The following TFB2M variants were observed in gnomAD, a reference collection of about 807,000 sequenced individuals.
The protein encoded by TFB2M is dimethyladenosine transferase 2, mitochondrial.
Under a neutral mutation model 41.3 loss-of-function variants are expected in TFB2M, and 44 were observed. The observed-to-expected ratio is 1.07, with a 90% CI of 0.84 to 1.37. The LOEUF (loss-of-function observed/expected upper bound fraction) is 1.37. Ranked by LOEUF, TFB2M falls within the 40% of genes most tolerant of loss-of-function variation. The pLI is 0.00. For synonymous variants in TFB2M, 188 were observed against 176.8 expected (o/e 1.06, Z -0.50); for missense variants, 496 against 490.2 (o/e 1.01, Z -0.11).
chr1:246,540,870 C>CCAATAAGCCAATGATATCAGCTTAG lies in TFB2M; in HGVS notation c.*136_*160dup. The CCAATAAGCCAATGATATCAGCTTAG allele has an allele frequency of 1.9e-6, 1 of 531,632 alleles. No homozygotes were observed. The highest frequency in any genetic ancestry group is 3.2e-6 in the Non-Finnish European group (1 of 312,150). The allele number at this position is 531,632 out of a possible 1,614,324, so 32.9% of individuals were successfully genotyped here. The stretch of plus-strand genomic sequence containing the variant: ...AATAAAATAGCAGACACTGTTTCAT[C>CCAATAAGCCAATGATATCAGCTTAG]CAATAAGCCAATGATATCAGCTTAG... On this transcript the variant is annotated 3_prime_UTR_variant, in exon 8 of 8. Coordinates refer to ENST00000366514, the MANE Select transcript of TFB2M (RefSeq NM_022366.3).
intron 4 of TFB2M, among the ~76,000 whole-genome samples, chr1:246,551,705 A>T: frequency 6.6e-6 from 1 of 152,026 alleles, no homozygotes; most frequent in East Asian, 1.9e-4. Context: ...AAACAACAAC[A>T]CACAAGTGTT....
chr1:246,544,532 T>C lies in TFB2M; in HGVS notation c.1008A>G (p.Ile336Met), dbSNP rs1409014057. The C allele has an allele frequency of 6.2e-7, 1 of 1,602,470 alleles. No homozygotes were observed. Residue 336 changes from isoleucine to methionine, a missense_variant, in exon 7 of 8, where the codon ATA becomes ATG. Ile to Met is a conservative substitution (Grantham distance 10). Coordinates refer to ENST00000366514, the MANE Select transcript of TFB2M (RefSeq NM_022366.3). ...TTCTTTTTACTCACCGTAAGTGGTC[T>C]ATTACAGTGGCGCTGCGCCTCCCAA... is the stretch of plus-strand genomic sequence containing the variant. Reference protein sequence around the residue: ...HCFGRRSATVIDHLRSLTPLD... With the variant: ...HCFGRRSATVMDHLRSLTPLD...
intron 2 of TFB2M, among the ~76,000 whole-genome samples, chr1:246,559,976 G>T (rs1659415075): frequency 6.6e-6 from 1 of 152,210 alleles, no homozygotes; most frequent in African/African-American, 2.4e-5. Flanking sequence ...CAGTCAACAC[G>T]CATGGCAAGG....
intron 4 of TFB2M, among the ~76,000 whole-genome samples, chr1:246,556,070 A>T (rs1659313773): frequency 6.6e-6 from 1 of 152,154 alleles, no homozygotes; most frequent in Non-Finnish European, 1.5e-5. Context: ...GGATTACAGG[A>T]GTGAGCCACC....
At chr1:246,544,732 A>G in intron 6 of TFB2M, 51 bp from the exon 7 acceptor site, 1 of 1,503,050 alleles carries the variant, frequency 6.7e-7, no homozygotes. Context: ...TTGCCAGAGT[A>G]AGACATTGCT....
At chr1:246,544,980 T>C (rs1658965154) in intron 6 of TFB2M, among the ~76,000 whole-genome samples, 1 of 151,990 alleles carries the variant, frequency 6.6e-6, no homozygotes, top group Non-Finnish European at 1.5e-5. Flanking sequence ...TAATTTTTTG[T>C]ATTTTTAGTA....
intron 7 of TFB2M, among the ~76,000 whole-genome samples, chr1:246,541,969 T>G (rs1460668361): frequency 1.3e-5 from 2 of 152,308 alleles, no homozygotes; most frequent in East Asian, 1.9e-4. Flanking sequence ...TCATTGTTGC[T>G]TGAACATCTT....
intron 1 of TFB2M, 61 bp downstream of exon 1, chr1:246,565,765 A>G: frequency 6.6e-7 from 1 of 1,525,848 alleles, no homozygotes; most frequent in South Asian, 1.2e-5. Context: ...CACCCCGAGG[A>G]GGGTCAATAC....
chr1:246,547,174 G>A (rs1331777880), intron 6 of TFB2M, among the ~76,000 whole-genome samples: 1 of 152,048 alleles, frequency 6.6e-6, no homozygotes, highest in Non-Finnish European at 1.5e-5. Flanking sequence ...AGCAGAGATG[G>A]GGTTTCAGCA....
chr1:246,547,955 T>C (rs920529129), intron 6 of TFB2M, among the ~76,000 whole-genome samples: 11 of 151,616 alleles, frequency 7.3e-5, no homozygotes, highest in African/African-American at 2.4e-4. Flanking sequence ...AATTTTTTTT[T>C]TTTTTTTTTT....
intron 2 of TFB2M, among the ~76,000 whole-genome samples, chr1:246,557,808 T>C (rs182640303): frequency 9.8e-4 from 149 of 152,088 alleles, no homozygotes; most frequent in African/African-American, 3.5e-3. Flanking sequence ...TAGCTGGGAC[T>C]ACAGGTGCGT....
At chr1:246,551,647 G>C (rs763492517) in intron 4 of TFB2M, among the ~76,000 whole-genome samples, 7 of 152,196 alleles carry the variant, frequency 4.6e-5, no homozygotes, top group Non-Finnish European at 8.8e-5. Context: ...CTTGAGCCTA[G>C]AAGTTCAAGA....
At chr1:246,551,866 T>C (rs1659194335) in intron 4 of TFB2M, among the ~76,000 whole-genome samples, 1 of 152,246 alleles carries the variant, frequency 6.6e-6, no homozygotes, top group Non-Finnish European at 1.5e-5. Context: ...CTTCCTATTC[T>C]TCTCCTTGTC....
chr1:246,546,983 A>ACACACACACACACACACACTT (rs764498048), intron 6 of TFB2M, among the ~76,000 whole-genome samples: 1 of 127,180 alleles, frequency 7.9e-6, no homozygotes, highest in African/African-American at 3.0e-5. Context: ...ACACACACAC[A>ACACACACACACACACACACTT]TTTTTTTTTT....
rs549675853 is a variant in TFB2M at position 246,562,661 on chromosome 1, CT to C, written c.402+1684del. ...ATAAGGCAGATGACTCCATAGGGAACTTTTTTTTTTTTTTGAGACAAAGAGT... is the reference window on the plus strand; with the variant it reads ...ATAAGGCAGATGACTCCATAGGGAACTTTTTTTTTTTTTGAGACAAAGAGT... On this transcript the variant is annotated intron_variant, in intron 2 of 7. Coordinates refer to ENST00000366514, the MANE Select transcript of TFB2M (RefSeq NM_022366.3). Among the ~76,000 whole-genome samples the C allele has an allele frequency of 6.6e-3, 953 of 144,528 alleles. 5 individuals carry two copies. Among genetic ancestry groups the C allele is most frequent in the South Asian group, 0.019 (87 of 4,528 alleles). The allele number at this position is 144,528 out of a possible 152,430, so 94.8% of individuals were successfully genotyped here.
intron 2 of TFB2M, 119 bp from the exon 3 acceptor site, chr1:246,557,653 T>C (rs1659360138): frequency 1.2e-6 from 1 of 859,800 alleles, no homozygotes; most frequent in African/African-American, 1.8e-5. Context: ...ATAATTCAAT[T>C]ACCTGGGGTT....
chr1:246,564,907 T>C (rs1257844833), intron 1 of TFB2M, among the ~76,000 whole-genome samples: 1 of 152,214 alleles, frequency 6.6e-6, no homozygotes, highest in Non-Finnish European at 1.5e-5. Flanking sequence ...CTGGAACTCC[T>C]GACCTCAAGG....
chr1:246,542,436 G>A (rs1025306057), intron 7 of TFB2M, among the ~76,000 whole-genome samples: 1 of 151,976 alleles, frequency 6.6e-6, no homozygotes, highest in African/African-American at 2.4e-5. Context: ...ACTTTGGGGG[G>A]CTAGGTGGGA....
In TFB2M at chr1:246,565,900, A is replaced by C. The variant is rs756988109; in HGVS notation, c.239T>G (p.Leu80Trp). The change falls in exon 1 of 8, where the codon TTG (leucine) becomes TGG (tryptophan). Residue 80 changes from leucine to tryptophan, a missense_variant. By Grantham distance (61) the Leu-to-Trp change is moderately conservative. Transcript: ENST00000366514. ...ATAGATTTGCGCCAGGGTCTCAGCC[A>C]ATCTCCGATCGGTTACGTAACGCTT... is the stretch of plus-strand genomic sequence containing the variant. ...DFKRYVTDRRLAETLAQIYLG... is the reference protein window; with the variant it reads ...DFKRYVTDRRWAETLAQIYLG... 3.7e-6 allele frequency: 6 copies of C among 1,613,688 alleles called. No individual in the cohort carries two copies. Among genetic ancestry groups the C allele is most frequent in the Non-Finnish European group, 5.1e-6 (6 of 1,179,564 alleles).
Sources: gnomAD v4.1 joint callset for allele counts (sites outside exome capture counted in the v4.1 genomes callset) on GRCh38, gnomAD v4.1.1 for gene constraint, MANE v1.5 for transcripts, NCBI Gene and HGNC (gene_info 2026-07-23, HGNC 2026-07-21) for gene names.